NCOR2: variants seen among roughly 807,000 people sequenced by gnomAD.
NCOR2 encodes the protein nuclear receptor corepressor 2, also known as CTG repeat protein 26.
In NCOR2, 81 loss-of-function variants were observed where a neutral mutation model predicts 262.9. The ratio of observed to expected loss-of-function variants is 0.31; its 90% CI spans 0.26 to 0.37. The LOEUF (loss-of-function observed/expected upper bound fraction) is 0.37, where lower values mean the gene tolerates loss of function less well. Among genes scored for constraint, NCOR2 ranks in the 10% least tolerant of loss-of-function variants. The probability of loss-of-function intolerance (pLI) is 1.00; values close to 1 mark genes in which losing one functional copy is unlikely to be tolerated. For missense variants in NCOR2, 3,385 were observed against 3,621.4 expected, an observed-to-expected ratio of 0.93 and a Z score of 1.68; for synonymous variants, 1,659 against 1,559.3, an observed-to-expected ratio of 1.06 and a Z score of -1.51.
chr12:124,451,297 C>T (rs1246899867), intron 6 of NCOR2, among the ~76,000 whole-genome samples: 2 of 152,232 alleles, frequency 1.3e-5, no homozygotes, highest in African/African-American at 4.8e-5. Context: ...AGCTGCCTTC[C>T]AGACAGGTGA....
At chr12:124,388,628 C>A in intron 16 of NCOR2, 1 of 1,297,980 alleles carries the variant, frequency 7.7e-7, no homozygotes, top group Non-Finnish European at 1.0e-6. Flanking sequence ...GGCCACGTTG[C>A]GGTCCCTGTC....
intron 32 of NCOR2, among the ~76,000 whole-genome samples, chr12:124,344,221 G>C (rs1466809548): frequency 6.6e-6 from 1 of 152,238 alleles, no homozygotes; most frequent in Non-Finnish European, 1.5e-5. Context: ...AGGCAGGCAG[G>C]GCCCCAACAG....
chr12:124,559,868 G>A (rs1247147051), intron 1 of NCOR2, among the ~76,000 whole-genome samples: 3 of 152,184 alleles, frequency 2.0e-5, no homozygotes, highest in South Asian at 2.1e-4. Flanking sequence ...TGAAAACGAC[G>A]CAGTGCCACA....
At chr12:124,362,074 C>T (rs979463670) in intron 22 of NCOR2, 52 bp downstream of exon 24, 52 of 1,247,440 alleles carry the variant, frequency 4.2e-5, no homozygotes, top group Non-Finnish European at 4.9e-5. Flanking sequence ...ACATCCCTTG[C>T]CCGTCAGTCC....
exon 37 of NCOR2, chr12:124,340,093 G>A (rs764486729): frequency 2.5e-6 from 4 of 1,612,978 alleles, no homozygotes; most frequent in East Asian, 2.2e-5. Context: ...CTGCTGGAGG[G>A]CATCCTGGGT....
chr12:124,376,503 A>G (rs370855400), intron 18 of NCOR2, among the ~76,000 whole-genome samples: 2 of 152,188 alleles, frequency 1.3e-5, no homozygotes, highest in Non-Finnish European at 2.9e-5. Flanking sequence ...GGGACGACCC[A>G]AGGGACTCGT....
chr12:124,565,381 G>A (rs2137309112), intron 1 of NCOR2, among the ~76,000 whole-genome samples: 1 of 152,252 alleles, frequency 6.6e-6, no homozygotes, highest in Non-Finnish European at 1.5e-5. Context: ...CCTGGCAGCC[G>A]CGCTGCCGAC....
chr12:124,336,816 G>C, exon 38 of NCOR2: 1 of 1,613,290 alleles, frequency 6.2e-7, no homozygotes, highest in Non-Finnish European at 8.5e-7. Context: ...TCCCGGTGCG[G>C]GTCCGAGGCC....
chr12:124,459,066 G>A (rs2046029219), intron 5 of NCOR2, among the ~76,000 whole-genome samples: 1 of 152,180 alleles, frequency 6.6e-6, no homozygotes, highest in South Asian at 2.1e-4. Context: ...CAGCAGATTA[G>A]TATGCTCAGG....
chr12:124,337,606 A>T (rs1057411201), intron 37 of NCOR2, among the ~76,000 whole-genome samples: 2 of 152,322 alleles, frequency 1.3e-5, no homozygotes, highest in African/African-American at 2.4e-5. Flanking sequence ...CAGGGCTAGG[A>T]GGTCTTCAGG....
intron 1 of NCOR2, among the ~76,000 whole-genome samples, chr12:124,544,123 G>A (rs945889030): frequency 1.3e-5 from 2 of 152,178 alleles, no homozygotes; most frequent in Non-Finnish European, 2.9e-5. Context: ...GGAGGGAGAT[G>A]AATGGAAAGG....
intron 1 of NCOR2, among the ~76,000 whole-genome samples, chr12:124,547,859 G>A (rs561089865): frequency 1.3e-5 from 2 of 152,254 alleles, no homozygotes; most frequent in East Asian, 1.9e-4. Context: ...CCTTTTCATG[G>A]CTGAATAATA....
chr12:124,457,966 G>C lies in NCOR2; in HGVS notation c.706-804C>G, dbSNP rs1040505103. On this transcript the variant is annotated intron_variant, in intron 5 of 46. Transcript: ENST00000405201. This position sits in a 1 kb window ranked among gnomAD's most constrained non-coding sequence, Gnocchi z 4.0. ...AGGGGCTCCTGAAGGTGGCTTCATG[G>C]GGGCTGTGGCGGAGGGCAGGGGCAG... 9.9e-5 allele frequency among the ~76,000 whole-genome samples: 15 copies of C among 152,180 alleles called. No individual in the cohort carries two copies. Among genetic ancestry groups the C allele is most frequent in the Non-Finnish European group, 1.9e-4 (13 of 68,028 alleles).
intron 7 of NCOR2, among the ~76,000 whole-genome samples, chr12:124,448,960 A>T (rs1310185905): frequency 1.3e-5 from 2 of 152,168 alleles, no homozygotes; most frequent in Non-Finnish European, 2.9e-5. Flanking sequence ...GATCCTGAAG[A>T]GTCTCACCTC....
chr12:124,562,373 T>A (rs1258652767), intron 1 of NCOR2: 1 of 152,148 alleles, frequency 6.6e-6, no homozygotes, highest in African/African-American at 2.4e-5. Flanking sequence ...TTCCCTCCCT[T>A]TTAAGAATCA....
chr12:124,337,224 C>CTCT, intron 37 of NCOR2, 44 bp from the exon 40 acceptor site: 2 of 1,540,110 alleles, frequency 1.3e-6, no homozygotes, highest in Non-Finnish European at 1.8e-6. Flanking sequence ...GGGAGCTGCC[C>CTCT]TCTTCCTCCA....
intron 1 of NCOR2, among the ~76,000 whole-genome samples, chr12:124,543,811 G>C (rs1222528062): frequency 2.0e-5 from 3 of 152,222 alleles, no homozygotes; most frequent in Non-Finnish European, 4.4e-5. Context: ...CCACGCGGCA[G>C]CACGGAAAGG....
intron 28 of NCOR2, chr12:124,348,701 C>T (rs1384502185): frequency 4.2e-5 from 10 of 238,636 alleles, no homozygotes; most frequent in Admixed American, 1.0e-4. Context: ...TGAGCAAGGA[C>T]GCATCAGCAG....
At chr12:124,354,877 G>C (rs776690671) in exon 25 of NCOR2, 1 of 1,612,356 alleles carries the variant, frequency 6.2e-7, no homozygotes, top group African/African-American at 1.3e-5. Context: ...GCCCCATGGT[G>C]ACAGGGCCCA....
Sources: allele counts gnomAD v4.1 joint callset (sites outside exome capture counted in the v4.1 genomes callset), GRCh38; gene constraint gnomAD v4.1.1; non-coding constraint Gnocchi (gnomAD v3.1); transcripts MANE v1.5; gene names NCBI Gene and HGNC (gene_info 2026-07-23, HGNC 2026-07-21).